The following DLEU7 variants were observed in gnomAD, a reference collection of about 807,000 sequenced individuals.
The protein encoded by DLEU7 is deleted in lymphocytic leukemia 7.
In DLEU7, 17 loss-of-function variants were observed where a neutral mutation model predicts 16.0. The observed-to-expected ratio is 1.06, with a 90% confidence interval of 0.73 to 1.59. The LOEUF (loss-of-function observed/expected upper bound fraction) is 1.59. Among genes scored for constraint, DLEU7 ranks in the 40% most tolerant of loss-of-function variants. The pLI is 0.00. For synonymous variants in DLEU7, 113 were observed against 139.8 expected (o/e 0.81, Z 1.35); for missense variants, 308 against 314.9 (o/e 0.98, Z 0.17).
exon 2 of DLEU7, chr13:50,712,227 T>A (rs1873313169): frequency 6.6e-6 from 1 of 152,218 alleles, no homozygotes; most frequent in South Asian, 2.1e-4. Flanking sequence ...TTTCTTTGCT[T>A]TGATTTGTAA....
intron 1 of DLEU7, among the ~76,000 whole-genome samples, chr13:50,734,646 A>G (rs1874014009): frequency 6.6e-6 from 1 of 152,170 alleles, no homozygotes; most frequent in Non-Finnish European, 1.5e-5. Flanking sequence ...AAGAACAGAG[A>G]GAAAAAAGAT....
At chr13:50,817,329 T>C (rs545452976) in intron 1 of DLEU7, among the ~76,000 whole-genome samples, 1 of 152,268 alleles carries the variant, frequency 6.6e-6, no homozygotes, top group African/African-American at 2.4e-5. Flanking sequence ...ACCATTTCTA[T>C]TGAGCAAAGC....
chr13:50,815,259 A>G (rs1404142729), intron 1 of DLEU7, among the ~76,000 whole-genome samples: 1 of 152,142 alleles, frequency 6.6e-6, no homozygotes, highest in African/African-American at 2.4e-5. Flanking sequence ...TTAGATACGT[A>G]ATCATTACTT....
At chr13:50,783,623 C>CAA (rs1413149397) in intron 1 of DLEU7, among the ~76,000 whole-genome samples, 1 of 152,108 alleles carries the variant, frequency 6.6e-6, no homozygotes, top group African/African-American at 2.4e-5. Context: ...GTCCTGTGAG[C>CAA]AAAAGAAAGT....
chr13:50,790,654 G>C (rs1241277199), intron 1 of DLEU7, among the ~76,000 whole-genome samples: 1 of 152,126 alleles, frequency 6.6e-6, no homozygotes, highest in Non-Finnish European at 1.5e-5. Context: ...TGGGATGCGA[G>C]GGGTGTGGGG....
intron 1 of DLEU7, among the ~76,000 whole-genome samples, chr13:50,809,773 A>G (rs186977708): frequency 2.0e-5 from 3 of 152,150 alleles, no homozygotes; most frequent in African/African-American, 7.2e-5. Flanking sequence ...CCCAAATGCC[A>G]GGAGAAAGTT....
chr13:50,831,186 A>G (rs1877254816), intron 1 of DLEU7, among the ~76,000 whole-genome samples: 1 of 152,064 alleles, frequency 6.6e-6, no homozygotes, highest in Non-Finnish European at 1.5e-5. Flanking sequence ...GAAAAGAAAA[A>G]AATCTGCCTT....
At chr13:50,814,201 A>G (rs1311412181) in intron 1 of DLEU7, among the ~76,000 whole-genome samples, 1 of 152,054 alleles carries the variant, frequency 6.6e-6, no homozygotes, top group Non-Finnish European at 1.5e-5. Context: ...ATAGAAGTTG[A>G]CTCCATGATT....
chr13:50,829,303 A>T (rs1939478143), intron 1 of DLEU7, among the ~76,000 whole-genome samples: 1 of 152,206 alleles, frequency 6.6e-6, no homozygotes, highest in African/African-American at 2.4e-5. Flanking sequence ...CAAGATCCAC[A>T]TCAAGGAAAA....
intron 1 of DLEU7, among the ~76,000 whole-genome samples, chr13:50,720,114 G>A (rs1347364714): frequency 6.6e-6 from 1 of 152,194 alleles, no homozygotes; most frequent in East Asian, 1.9e-4. Context: ...TCCTGGGATG[G>A]CAGCTGATCC....
intron 1 of DLEU7, among the ~76,000 whole-genome samples, chr13:50,733,024 A>T (rs1229875880): frequency 6.6e-6 from 1 of 152,108 alleles, no homozygotes; most frequent in Non-Finnish European, 1.5e-5. Flanking sequence ...TCAAACGCAC[A>T]CGCATGTATG....
chr13:50,802,851 G>C (rs950792254), intron 1 of DLEU7, among the ~76,000 whole-genome samples: 1 of 152,192 alleles, frequency 6.6e-6, no homozygotes, highest in South Asian at 2.1e-4. Flanking sequence ...TTACACAGTT[G>C]GGACCACGCT....
intron 1 of DLEU7, among the ~76,000 whole-genome samples, chr13:50,807,215 T>G (rs146916935): frequency 0.02 from 3,049 of 152,146 alleles, 41 homozygotes; most frequent in South Asian, 0.04. Flanking sequence ...TTAATGAGCT[T>G]TAGTAGATGA....
chr13:50,756,206 G>A (rs1338747927), intron 1 of DLEU7, among the ~76,000 whole-genome samples: 2 of 152,200 alleles, frequency 1.3e-5, no homozygotes, highest in African/African-American at 4.8e-5. Flanking sequence ...CTGCCAGGAG[G>A]TGGCACTTTC....
intron 1 of DLEU7, among the ~76,000 whole-genome samples, chr13:50,722,134 A>G (rs916088434): frequency 1.3e-5 from 2 of 152,204 alleles, no homozygotes; most frequent in South Asian, 2.1e-4. Flanking sequence ...GTAACTTTGC[A>G]GTGTCCTCCC....
chr13:50,733,619 A>C (rs112805125), intron 1 of DLEU7, among the ~76,000 whole-genome samples: 2,526 of 152,188 alleles, frequency 0.017, 59 homozygotes, highest in African/African-American at 0.056. Context: ...CCACACCCAC[A>C]CACACACATT....
intron 1 of DLEU7, among the ~76,000 whole-genome samples, chr13:50,751,739 T>A (rs997029453): frequency 6.6e-6 from 1 of 152,194 alleles, no homozygotes; most frequent in Non-Finnish European, 1.5e-5. Context: ...CATAGTAGCC[T>A]TGAATGATTT....
intron 1 of DLEU7, among the ~76,000 whole-genome samples, chr13:50,770,002 G>T (rs1021367958): frequency 6.6e-6 from 1 of 152,060 alleles, no homozygotes; most frequent in Non-Finnish European, 1.5e-5. Context: ...TTGTAAGTTG[G>T]ATTCCTAGGT....
rs140481068 is a variant in DLEU7 at position 50,761,649 on chromosome 13, T to G, written c.460-48409A>C. ...GAGGAGACATGCCTGCTCTTGATGC[T>G]TCTACTTGGAAGTACCACAAGTTTT... is the stretch of plus-strand genomic sequence containing the variant. On this transcript the variant is annotated intron_variant, in intron 1 of 1. Transcript: ENST00000400393. Among the ~76,000 whole-genome samples the G allele has an allele frequency of 3.5e-3, 534 of 152,274 alleles. 4 individuals are homozygous for G. The highest frequency in any genetic ancestry group is 0.011 in the African/African-American group (446 of 41,576).
Sources: allele counts gnomAD v4.1 joint callset (sites outside exome capture counted in the v4.1 genomes callset), GRCh38; gene constraint gnomAD v4.1.1; transcripts MANE v1.5; gene names NCBI Gene and HGNC (gene_info 2026-07-23, HGNC 2026-07-21).